The following CDH13 variants were observed in gnomAD, a reference collection of about 807,000 sequenced individuals.
CDH13 encodes cadherin-13.
Under a neutral mutation model 63.8 loss-of-function variants are expected in CDH13, and 24 were observed. The ratio of observed to expected loss-of-function variants is 0.38; its 90% CI spans 0.27 to 0.53. The LOEUF (loss-of-function observed/expected upper bound fraction) is 0.53, where lower values mean the gene tolerates loss of function less well. Among genes scored for constraint, CDH13 ranks in the 20% least tolerant of loss-of-function variants. The pLI, the probability that CDH13 is intolerant of heterozygous loss-of-function variation, is 0.85. For missense variants in CDH13, 1,049 were observed against 903.1 expected, an observed-to-expected ratio of 1.16 and a Z score of -2.07; for synonymous variants, 503 against 355.3, an observed-to-expected ratio of 1.42 and a Z score of -4.67.
At chr16:82,703,068 G>T (rs947312568) in intron 1 of CDH13, among the ~76,000 whole-genome samples, 3 of 152,142 alleles carry the variant, frequency 2.0e-5, no homozygotes, top group African/African-American at 4.8e-5. Context: ...TTGCAAACAT[G>T]CAGAGGTTAC....
intron 1 of CDH13, among the ~76,000 whole-genome samples, chr16:82,759,580 T>C (rs1291517246): frequency 6.6e-6 from 1 of 150,386 alleles, no homozygotes; most frequent in East Asian, 1.9e-4. Context: ...TACATATGTA[T>C]ACACATATAT....
chr16:82,787,949 CAGTA>C (rs1206511370), intron 1 of CDH13, among the ~76,000 whole-genome samples: 7 of 146,050 alleles, frequency 4.8e-5, no homozygotes, highest in African/African-American at 1.8e-4. Flanking sequence ...ACCTACGATA[CAGTA>C]AGTAAGAGGA....
chr16:83,210,871 C>G (rs987986560), intron 4 of CDH13, among the ~76,000 whole-genome samples: 1 of 151,412 alleles, frequency 6.6e-6, no homozygotes, highest in East Asian at 1.9e-4. Context: ...TACTAGAGGC[C>G]GGGCGTGGTG....
chr16:83,629,817 A>C (rs971021841), intron 8 of CDH13, among the ~76,000 whole-genome samples: 3 of 152,204 alleles, frequency 2.0e-5, no homozygotes, highest in African/African-American at 7.2e-5. Context: ...TTGGCCATCA[A>C]TGTAGAAGAT....
At chr16:82,740,108 C>T (rs2033862038) in intron 1 of CDH13, among the ~76,000 whole-genome samples, 1 of 152,198 alleles carries the variant, frequency 6.6e-6, no homozygotes, top group South Asian at 2.1e-4. Flanking sequence ...CAACAGCTTA[C>T]TCATAAGACT....
chr16:83,654,412 A>C (rs1231324200), intron 8 of CDH13, among the ~76,000 whole-genome samples: 1 of 152,036 alleles, frequency 6.6e-6, no homozygotes, highest in Non-Finnish European at 1.5e-5. Flanking sequence ...GAAGCAAGTA[A>C]GGCAGGTCAG....
At chr16:83,303,145 G>A (rs146167520) in intron 5 of CDH13, among the ~76,000 whole-genome samples, 1 of 152,342 alleles carries the variant, frequency 6.6e-6, no homozygotes, top group African/African-American at 2.4e-5. Flanking sequence ...AATTTCCTAT[G>A]TTCTTTTCAG....
intron 7 of CDH13, among the ~76,000 whole-genome samples, chr16:83,580,954 C>A (rs1219109806): frequency 1.3e-5 from 2 of 152,146 alleles, no homozygotes; most frequent in African/African-American, 2.4e-5. Flanking sequence ...CATAACAGAT[C>A]TCTATTTGTG....
At chr16:83,147,997 G>A (rs2036821990) in intron 4 of CDH13, among the ~76,000 whole-genome samples, 2 of 152,130 alleles carry the variant, frequency 1.3e-5, no homozygotes, top group African/African-American at 2.4e-5. Context: ...ACAGTGGTAC[G>A]ATGTTTGCTT....
intron 6 of CDH13, among the ~76,000 whole-genome samples, chr16:83,419,710 C>T (rs777535817): frequency 4.6e-5 from 7 of 152,198 alleles, no homozygotes; most frequent in Non-Finnish European, 1.0e-4. Context: ...CAAGTTGCCC[C>T]AAGGCATTCC....
At chr16:83,726,167 T>C (rs1438501785) in intron 10 of CDH13, 1 of 152,250 alleles carries the variant, frequency 6.6e-6, no homozygotes, top group Non-Finnish European at 1.5e-5. Flanking sequence ...AGCCATTGAA[T>C]AACAATTGCT....
intron 1 of CDH13, among the ~76,000 whole-genome samples, chr16:82,799,146 G>A (rs559076274): frequency 2.8e-4 from 43 of 151,794 alleles, no homozygotes; most frequent in African/African-American, 7.5e-4. Context: ...TGCCTTCAGC[G>A]TGTTCAAAAG....
intron 6 of CDH13, among the ~76,000 whole-genome samples, chr16:83,399,291 C>T (rs1413398170): frequency 3.9e-5 from 6 of 152,158 alleles, no homozygotes; most frequent in African/African-American, 1.4e-4. Flanking sequence ...ATTAAGAGTA[C>T]TTTGTAAACT....
chr16:82,986,337 A>G (rs1445082640), intron 2 of CDH13, among the ~76,000 whole-genome samples: 1 of 152,212 alleles, frequency 6.6e-6, no homozygotes, highest in Non-Finnish European at 1.5e-5. Flanking sequence ...TACAATCAAA[A>G]CCAAGCCGCT....
At chr16:83,154,003 G>T (rs193262421) in intron 4 of CDH13, among the ~76,000 whole-genome samples, 2 of 152,124 alleles carry the variant, frequency 1.3e-5, no homozygotes, top group South Asian at 2.1e-4. Context: ...TCAAAAATAC[G>T]TATTCCTTCT....
chr16:82,679,029 A>G (rs1597301228), intron 1 of CDH13, among the ~76,000 whole-genome samples: 1 of 152,206 alleles, frequency 6.6e-6, no homozygotes, highest in African/African-American at 2.4e-5. Flanking sequence ...CAGCTGAGGC[A>G]CACTCCTCCC....
chr16:82,975,815 C>T (rs541983910), intron 2 of CDH13, among the ~76,000 whole-genome samples: 2 of 152,236 alleles, frequency 1.3e-5, no homozygotes, highest in East Asian at 1.9e-4. Flanking sequence ...CCTCCTTAAC[C>T]ATTGCCCTTG....
intron 1 of CDH13, among the ~76,000 whole-genome samples, chr16:82,693,711 C>T (rs569593419): frequency 2.0e-5 from 3 of 152,204 alleles, no homozygotes; most frequent in South Asian, 2.1e-4. Context: ...AAATTACATT[C>T]TGATGTTTAT....
intron 4 of CDH13, among the ~76,000 whole-genome samples, chr16:83,136,503 A>G (rs7205543): frequency 0.25 from 37,787 of 149,672 alleles, 5,100 homozygotes; most frequent in South Asian, 0.36. Flanking sequence ...AAAAAAAAAA[A>G]AAAAGAAATA....
Sources: allele counts gnomAD v4.1 joint callset (sites outside exome capture counted in the v4.1 genomes callset), GRCh38; gene constraint gnomAD v4.1.1; transcripts MANE v1.5; gene names NCBI Gene and HGNC (gene_info 2026-07-23, HGNC 2026-07-21).